Variants in RGS3 observed in about 807,000 individuals in gnomAD.
The protein encoded by RGS3 is regulator of G protein signaling 3.
RGS3 carries 80 observed loss-of-function variants against 132.6 expected under a neutral mutation model. That is an observed-to-expected ratio of 0.60 (90% CI 0.50 to 0.73). The LOEUF (loss-of-function observed/expected upper bound fraction) is 0.73. Among genes scored for constraint, RGS3 ranks in the 30% least tolerant of loss-of-function variants. The probability of loss-of-function intolerance (pLI) is 0.00; values close to 1 mark genes in which losing one functional copy is unlikely to be tolerated. For missense variants in RGS3, 1,382 were observed against 1,530.8 expected (o/e 0.90, Z 1.62); for synonymous variants, 598 against 620.6 (o/e 0.96, Z 0.54).
rs146239860 is a variant in RGS3 at position 113,583,920 on chromosome 9, C to T, written c.2508C>T (p.Ser836=). 59 of 1,614,080 alleles carry T rather than the reference C, an allele frequency of 3.7e-5. No homozygotes were observed. The East Asian group carries it at 9.1e-4, about 25-fold the overall frequency. The change falls in exon 20 of 25, where the codon TCC becomes TCT. Residue 836 remains serine, a synonymous_variant. Coordinates refer to ENST00000350696, the Ensembl canonical transcript of RGS3. ...CCCTTACTGAGGACACCATGAGCTC[C>T]GGGGACCTACTAGCAGCTACTGGGG...
chr9:113,530,929 T>C (rs549588563), intron 18 of RGS3, among the ~76,000 whole-genome samples: 1 of 152,308 alleles, frequency 6.6e-6, no homozygotes, highest in East Asian at 1.9e-4. Flanking sequence ...TTTTGGATCC[T>C]ATCAAGAGCC....
At chr9:113,554,378 T>C (rs1246454797) in intron 19 of RGS3, among the ~76,000 whole-genome samples, 1 of 152,270 alleles carries the variant, frequency 6.6e-6, no homozygotes, top group Non-Finnish European at 1.5e-5. Context: ...CCATCTTGGC[T>C]CACTGCAACC....
chr9:113,547,329 A>G lies in RGS3; in HGVS notation c.2037+10411A>G, dbSNP rs549724709. 3.1e-4 allele frequency among the ~76,000 whole-genome samples: 47 copies of G among 152,320 alleles called. No homozygotes were observed. In the South Asian group the frequency reaches 9.7e-3, roughly 32 times the overall value. On this transcript the variant is annotated intron_variant, in intron 19 of 24. Coordinates refer to ENST00000350696, the Ensembl canonical transcript of RGS3. Reference sequence around the variant, plus strand: ...ATATTCATCAATGTACTCATCACACATAGGTATATTTAGACAGAAAGGGGT... The same window carrying G: ...ATATTCATCAATGTACTCATCACACGTAGGTATATTTAGACAGAAAGGGGT...
intron 4 of RGS3, among the ~76,000 whole-genome samples, chr9:113,480,285 C>T (rs992741181): frequency 4.0e-5 from 6 of 151,818 alleles, no homozygotes; most frequent in African/African-American, 1.5e-4. Flanking sequence ...ACTGAAACCC[C>T]GTCTCTACCA....
At chr9:113,517,390 G>A in intron 15 of RGS3, 151 bp from the exon 14 acceptor site, 1 of 710,294 alleles carries the variant, frequency 1.4e-6, no homozygotes, top group South Asian at 1.5e-5. Context: ...TGTATGAGGG[G>A]GTGTGTGGGT....
chr9:113,497,314 G>A, exon 9 of RGS3: 1 of 1,611,868 alleles, frequency 6.2e-7, no homozygotes, highest in Non-Finnish European at 8.5e-7. Flanking sequence ...CTCGTGACAG[G>A]AGATCAGTGG....
chr9:113,447,349 A>ATATATATGTGTG (rs1829135450), intron 1 of RGS3, among the ~76,000 whole-genome samples: 1 of 112,830 alleles, frequency 8.9e-6, no homozygotes, highest in Non-Finnish European at 1.9e-5. Context: ...ATATATATAT[A>ATATATATGTGTG]TATATATATA....
Position 113,507,510 on chromosome 9 carries a change from G to A in RGS3, c.1309G>A (p.Gly437Ser), listed in dbSNP as rs912688485. The A allele has an allele frequency of 1.6e-5, 25 of 1,609,776 alleles. No homozygotes were observed. The highest frequency in any genetic ancestry group is 5.3e-5 in the African/African-American group (4 of 75,018). ...TGACAGCTCTGATGGGCTGCTGCTC[G>A]GCGGCTGGGAGCGCTACACCGAGGT... The change falls in exon 13 of 25, where the codon GGC becomes AGC. Residue 437 changes from glycine to serine, a missense_variant. Gly to Ser is a moderately conservative substitution (Grantham distance 56, BLOSUM62 0). Coordinates refer to ENST00000350696, the Ensembl canonical transcript of RGS3. The surrounding 1 kb of genome is among the most constrained non-coding windows in gnomAD (Gnocchi z 5.0).
chr9:113,562,765 G>A (rs1032014780), intron 19 of RGS3, among the ~76,000 whole-genome samples: 3 of 152,194 alleles, frequency 2.0e-5, no homozygotes, highest in Non-Finnish European at 4.4e-5. Context: ...CTGGGATGTG[G>A]TGAACAGAGC....
At position 113,447,327 on chromosome 9, in the gene RGS3, A is replaced by ATATATATATATATATATATATATGTG. The variant is rs1484683848; in HGVS notation, c.-13+2401_-13+2402insATATATATATATATATATATATGTGT. Among the ~76,000 whole-genome samples the ATATATATATATATATATATATATGTG allele has an allele frequency of 7.6e-4, 55 of 72,612 alleles. 2 individuals carry two copies. Among genetic ancestry groups the ATATATATATATATATATATATATGTG allele is most frequent in the Non-Finnish European group, 1.1e-3 (40 of 35,472 alleles). The allele number at this position is 72,612 out of a possible 152,430, so 47.6% of individuals were successfully genotyped here. A position where few individuals can be genotyped will look rare whatever the true frequency, so the allele number is the denominator to read the frequency against. ...AACCAATAAATTCTGATGTATGTAT[A>ATATATATATATATATATATATATGTG]TGTATATATATATATATATATATAT... On this transcript the variant is annotated intron_variant, in intron 1 of 25. Coordinates refer to the RGS3 transcript ENST00000374140.
At chr9:113,540,835 C>T (rs1832873241) in intron 19 of RGS3, among the ~76,000 whole-genome samples, 1 of 152,352 alleles carries the variant, frequency 6.6e-6, no homozygotes. Flanking sequence ...CTCTCTGAGA[C>T]TCAGTTTTTG....
chr9:113,489,638 C>T (rs952422650), intron 7 of RGS3, among the ~76,000 whole-genome samples: 1 of 152,088 alleles, frequency 6.6e-6, no homozygotes, highest in Non-Finnish European at 1.5e-5. Context: ...ACCCTCCAGC[C>T]TCAGCCTCCT....
At chr9:113,446,192 A>G (rs969289493) in intron 1 of RGS3, among the ~76,000 whole-genome samples, 1 of 152,192 alleles carries the variant, frequency 6.6e-6, no homozygotes, top group African/African-American at 2.4e-5. Context: ...TCTGGGAAGG[A>G]ATTTCTAAAT....
chr9:113,508,832 C>T (rs1831266992), intron 14 of RGS3, among the ~76,000 whole-genome samples: 1 of 152,160 alleles, frequency 6.6e-6, no homozygotes, highest in Non-Finnish European at 1.5e-5. Context: ...ACCGTGTGTC[C>T]AGGCCTCAGG....
rs1564563683 is a variant in RGS3 at position 113,554,285 on chromosome 9, CATTATTAGTGAGGTTGAGATTCATTTT to C, written c.2037+17368_2037+17394del. Among the ~76,000 whole-genome samples, 3 of 152,214 alleles carry C rather than the reference CATTATTAGTGAGGTTGAGATTCATTTT, an allele frequency of 2.0e-5. No individual in the cohort carries two copies. In the South Asian group the frequency reaches 6.2e-4, roughly 32 times the overall value. The stretch of plus-strand genomic sequence containing the variant: ...ATTTAATCTTAATTGACATTTATTT[CATTATTAGTGAGGTTGAGATTCATTTT>C]GTTTTATTTTTGGAGATGGAGTCTT... On this transcript the variant is annotated intron_variant, in intron 19 of 24. Transcript: ENST00000350696.
Position 113,462,027 on chromosome 9 carries a change from CA to C in RGS3, c.242del (p.His81ProfsTer14). On this transcript the variant is annotated frameshift_variant, in exon 3 of 25. Coordinates refer to ENST00000350696, the Ensembl canonical transcript of RGS3. LOFTEE classifies it high-confidence loss of function. ...TCCCATCTTGCTCCTGCAGGTCTGCCACGTCTCTGTGCTCAGTGTCCTCTCT... is the reference window on the plus strand; with the variant it reads ...TCCCATCTTGCTCCTGCAGGTCTGCCCGTCTCTGTGCTCAGTGTCCTCTCT... The C allele has an allele frequency of 6.2e-7, 1 of 1,613,362 alleles. No individual in the cohort carries two copies. Among genetic ancestry groups the C allele is most frequent in the Non-Finnish European group, 8.5e-7 (1 of 1,179,802 alleles).
At chr9:113,582,341 C>A in intron 19 of RGS3, 3 of 464,920 alleles carry the variant, frequency 6.5e-6, no homozygotes, top group Non-Finnish European at 5.6e-6. Context: ...GGGGTACTTA[C>A]CCCTGAAGTT....
intron 20 of RGS3, among the ~76,000 whole-genome samples, chr9:113,587,487 T>C (rs1479394470): frequency 6.6e-6 from 1 of 152,156 alleles, no homozygotes; most frequent in African/African-American, 2.4e-5. Flanking sequence ...TCTCTGAGCT[T>C]CGGTTTTCTC....
Position 113,507,521 on chromosome 9 carries a change from G to A in RGS3, c.1320G>A (p.Glu440=). Residue 440 remains glutamate (E), a synonymous_variant, in exon 13 of 25, where the codon GAG becomes GAA. Coordinates refer to ENST00000350696, the Ensembl canonical transcript of RGS3. The surrounding 1 kb of genome is among the most constrained non-coding windows in gnomAD (Gnocchi z 5.0). ...ATGGGCTGCTGCTCGGCGGCTGGGA[G>A]CGCTACACCGAGGTGGCCAAGCGCG... The A allele has an allele frequency of 6.2e-7, 1 of 1,607,744 alleles. No homozygotes were observed. Among genetic ancestry groups the A allele is most frequent in the East Asian group, 2.2e-5 (1 of 44,706 alleles).
Sources: allele counts gnomAD v4.1 joint callset (sites outside exome capture counted in the v4.1 genomes callset), GRCh38; gene constraint gnomAD v4.1.1; non-coding constraint Gnocchi (gnomAD v3.1); transcripts MANE v1.5; gene names NCBI Gene and HGNC (gene_info 2026-07-23, HGNC 2026-07-21).